Variants in MAPK6 observed in about 807,000 individuals in gnomAD.
MAPK6 encodes mitogen-activated protein kinase 6, also known as ERK-3.
A neutral mutation model predicts 59.3 loss-of-function variants in MAPK6; 19 were observed. That is an observed-to-expected ratio of 0.32 (90% confidence interval 0.22 to 0.47). The LOEUF (loss-of-function observed/expected upper bound fraction) is 0.47, where lower values mean the gene tolerates loss of function less well. Ranked by LOEUF, MAPK6 falls within the 20% of genes least tolerant of loss-of-function variation. The pLI is 1.00. For synonymous variants in MAPK6, 316 were observed against 290.3 expected (o/e 1.09, Z -0.90); for missense variants, 724 against 847.9 (o/e 0.85, Z 1.81).
At chr15:52,029,959 A>T (rs1417743311) in intron 1 of MAPK6, among the ~76,000 whole-genome samples, 1 of 152,208 alleles carries the variant, frequency 6.6e-6, no homozygotes, top group Non-Finnish European at 1.5e-5. Context: ...AAATGGTTTC[A>T]TAGTTTTTCT....
chr15:52,051,181 C>CCGAGTAGCTG (rs1413389760), intron 3 of MAPK6, among the ~76,000 whole-genome samples: 2 of 152,220 alleles, frequency 1.3e-5, no homozygotes, highest in East Asian at 3.9e-4. Flanking sequence ...CCTCAGCCTC[C>CCGAGTAGCTG]CGAGTAGCTG....
chr15:51,974,034 C>T (rs1023644910), intron 1 of MAPK6, among the ~76,000 whole-genome samples: 3 of 151,852 alleles, frequency 2.0e-5, no homozygotes, highest in Non-Finnish European at 4.4e-5. Flanking sequence ...TGAGATTGGA[C>T]TTAAGGTAAA....
chr15:52,048,247 T>G, intron 2 of MAPK6, among the ~76,000 whole-genome samples: 1 of 152,094 alleles, frequency 6.6e-6, no homozygotes, highest in East Asian at 1.9e-4. Context: ...CCTCCTGGGT[T>G]CAAGCAGTTC....
chr15:52,040,200 C>A (rs895612813), intron 1 of MAPK6, among the ~76,000 whole-genome samples: 2 of 152,224 alleles, frequency 1.3e-5, no homozygotes, highest in Admixed American at 1.3e-4. Context: ...GCTACAGCTA[C>A]ATTTATCTGT....
chr15:52,007,072 T>A (rs910873854), intron 3 of MAPK6, among the ~76,000 whole-genome samples: 1 of 152,192 alleles, frequency 6.6e-6, no homozygotes, highest in Non-Finnish European at 1.5e-5. Context: ...ACATTGTTTC[T>A]ATGGGAAAAT....
chr15:52,002,200 T>C (rs2057244007), intron 2 of MAPK6, among the ~76,000 whole-genome samples: 1 of 152,210 alleles, frequency 6.6e-6, no homozygotes, highest in African/African-American at 2.4e-5. Flanking sequence ...ATAATCCCAT[T>C]GTCCTTAGAA....
intron 1 of MAPK6, among the ~76,000 whole-genome samples, chr15:52,039,511 T>C (rs2031349399): frequency 4.1e-5 from 1 of 24,606 alleles, no homozygotes. Context: ...TGTTTTGTCT[T>C]TTTTTTTTTT....
In MAPK6 at chr15:52,064,178, G is replaced by A. The variant is rs758326017; in HGVS notation, c.1344G>A (p.Thr448=). The change falls in exon 6 of 6, where the codon ACG becomes ACA. Residue 448 remains threonine, a synonymous_variant. Transcript: ENST00000261845. Reference sequence around the variant, plus strand: ...GTAGCCATACTTGTAACTACAAAACGAGGTCATCATCATATTTAGATAACT... The same window carrying A: ...GTAGCCATACTTGTAACTACAAAACAAGGTCATCATCATATTTAGATAACT... ...LECSHTCNYK[T]RSSSYLDNLV... is the part of the protein sequence containing the mutation. 21 of 1,612,830 alleles carry A rather than the reference G, an allele frequency of 1.3e-5. No individual in the cohort carries two copies. The highest frequency in any genetic ancestry group is 3.3e-5 in the South Asian group (3 of 90,994).
chr15:52,040,850 A>G (rs1396312404), intron 1 of MAPK6, among the ~76,000 whole-genome samples: 2 of 152,232 alleles, frequency 1.3e-5, no homozygotes, highest in Admixed American at 1.3e-4. Flanking sequence ...TAATTCCATG[A>G]CATGGTAGAT....
upstream of MAPK6, chr15:52,017,594 C>G (rs1337265707): frequency 6.6e-6 from 1 of 152,506 alleles, no homozygotes; most frequent in African/African-American, 2.4e-5. Context: ...GCCTGACACC[C>G]TTTTGAAATG....
At chr15:51,979,085 G>A (rs901997258) in intron 1 of MAPK6, among the ~76,000 whole-genome samples, 23 of 148,070 alleles carry the variant, frequency 1.6e-4, no homozygotes, top group Admixed American at 6.0e-4. Context: ...CACCCCAGCC[G>A]GGGTGACAGA....
chr15:51,988,259 G>C (rs1334449103), intron 2 of MAPK6, among the ~76,000 whole-genome samples: 5 of 151,792 alleles, frequency 3.3e-5, no homozygotes, highest in South Asian at 2.1e-4. Flanking sequence ...GATACCCACA[G>C]AGAAAACCTA....
chr15:51,991,180 CAT>C (rs1555395350), intron 2 of MAPK6, among the ~76,000 whole-genome samples: 2,244 of 142,880 alleles, frequency 0.016, 42 homozygotes, highest in African/African-American at 0.056. Context: ...CACACACACA[CAT>C]ATATATATGT....
intron 3 of MAPK6, among the ~76,000 whole-genome samples, chr15:52,006,872 C>T (rs2029904476): frequency 6.6e-6 from 1 of 152,132 alleles, no homozygotes; most frequent in Non-Finnish European, 1.5e-5. Context: ...TAGGAAGGTA[C>T]AGACAGTCCC....
chr15:52,024,754 G>A (rs1417333252), intron 1 of MAPK6: 2 of 151,948 alleles, frequency 1.3e-5, no homozygotes, highest in African/African-American at 2.4e-5. Flanking sequence ...ATCTTGCCCT[G>A]TTGCCCAGTT....
chr15:51,994,470 C>T (rs749653015), intron 2 of MAPK6, among the ~76,000 whole-genome samples: 26 of 152,082 alleles, frequency 1.7e-4, no homozygotes, highest in Non-Finnish European at 3.2e-4. Context: ...GAGGTTTCAT[C>T]ATGATTATCA....
intron 3 of MAPK6, among the ~76,000 whole-genome samples, 157 bp from the exon 4 acceptor site, chr15:52,058,476 G>T (rs1274909399): frequency 6.6e-6 from 1 of 152,116 alleles, no homozygotes; most frequent in Non-Finnish European, 1.5e-5. Flanking sequence ...AAATAGATAA[G>T]TAGATTGGTG....
intron 2 of MAPK6, among the ~76,000 whole-genome samples, chr15:52,001,492 C>T (rs76760985): frequency 0.018 from 2,629 of 145,466 alleles, 83 homozygotes; most frequent in African/African-American, 0.064. Flanking sequence ...AATGGTATAC[C>T]TTTGTCCTTT....
At chr15:52,020,768 T>C (rs1422561607) in intron 1 of MAPK6, among the ~76,000 whole-genome samples, 1 of 152,220 alleles carries the variant, frequency 6.6e-6, no homozygotes, top group East Asian at 1.9e-4. Context: ...CTTTAGATAG[T>C]AGTTGTTCAA....
Sources: gnomAD v4.1 joint callset for allele counts (sites outside exome capture counted in the v4.1 genomes callset) on GRCh38, gnomAD v4.1.1 for gene constraint, MANE v1.5 for transcripts, NCBI Gene and HGNC (gene_info 2026-07-23, HGNC 2026-07-21) for gene names.